Variants in PAX3 observed in about 807,000 individuals in gnomAD.
PAX3 encodes the protein paired box 3.
In PAX3, 14 loss-of-function variants were observed where a neutral mutation model predicts 51.6. The observed-to-expected ratio is 0.27, with a 90% CI of 0.18 to 0.42. The LOEUF (loss-of-function observed/expected upper bound fraction) is 0.42, where lower values mean the gene tolerates loss of function less well. Ranked by LOEUF, PAX3 falls within the 10% of genes least tolerant of loss-of-function variation. PAX3 has a pLI of 1.00. For missense variants in PAX3, 540 were observed against 642.8 expected, an observed-to-expected ratio of 0.84 and a Z score of 1.73; for synonymous variants, 280 against 253.4, an observed-to-expected ratio of 1.11 and a Z score of -1.00.
intron 4 of PAX3, among the ~76,000 whole-genome samples, chr2:222,240,152 G>A (rs1692955824): frequency 6.6e-6 from 1 of 152,172 alleles, no homozygotes. Flanking sequence ...GGAGAGTACA[G>A]ATTGGTTATG....
At chr2:222,266,230 C>T (rs1694051259) in intron 4 of PAX3, among the ~76,000 whole-genome samples, 1 of 152,170 alleles carries the variant, frequency 6.6e-6, no homozygotes, top group African/African-American at 2.4e-5. Flanking sequence ...CCTCAGCACA[C>T]TCAGGAATTC....
At position 222,200,972 on chromosome 2, in the gene PAX3, T is replaced by G. The variant is rs558044748; in HGVS notation, c.*436A>C. The G allele has an allele frequency of 6.6e-6, 4 of 610,680 alleles. No homozygotes were observed. Among genetic ancestry groups the G allele is most frequent in the African/African-American group, 1.8e-5 (1 of 54,110 alleles). 37.8% of individuals were successfully genotyped at this position (610,680 alleles called of 1,614,324 possible). A position where few individuals can be genotyped will look rare whatever the true frequency, so the allele number is the denominator to read the frequency against. On this transcript the variant is annotated 3_prime_UTR_variant, in exon 9 of 9. Coordinates refer to ENST00000392070, the MANE Select transcript of PAX3 (RefSeq NM_181458.4). The stretch of plus-strand genomic sequence containing the variant: ...CATCGAACATCGACATGTTATACTT[T>G]AGGGTATTCTATTATATTTTAGAAC...
chr2:222,294,113 C>T, intron 4 of PAX3, 54 bp downstream of exon 4: 1 of 1,611,740 alleles, frequency 6.2e-7, no homozygotes, highest in Non-Finnish European at 8.5e-7. Flanking sequence ...TGTCAGCTAG[C>T]CGATGCCCTC....
At chr2:222,266,698 T>G (rs1694066928) in intron 4 of PAX3, among the ~76,000 whole-genome samples, 1 of 152,210 alleles carries the variant, frequency 6.6e-6, no homozygotes, top group African/African-American at 2.4e-5. Context: ...TGCCTGGCCC[T>G]TGAAGGGGAA....
At chr2:222,205,275 T>A (rs532232707) in intron 7 of PAX3, among the ~76,000 whole-genome samples, 28 of 152,276 alleles carry the variant, frequency 1.8e-4, no homozygotes, top group African/African-American at 6.7e-4. Flanking sequence ...GCTGAGTAGC[T>A]TTAAGACTTC....
intron 4 of PAX3, among the ~76,000 whole-genome samples, chr2:222,240,590 C>T (rs1692974370): frequency 6.6e-6 from 1 of 152,186 alleles, no homozygotes; most frequent in African/African-American, 2.4e-5. Flanking sequence ...TTATGTAAAA[C>T]CATGCTTGTG....
At chr2:222,220,854 G>A (rs1324623784) in intron 6 of PAX3, among the ~76,000 whole-genome samples, 2 of 152,156 alleles carry the variant, frequency 1.3e-5, no homozygotes, top group Non-Finnish European at 2.9e-5. Flanking sequence ...CTTTGTCAAA[G>A]CTTACCTTCC....
At chr2:222,281,131 A>G (rs1694631981) in intron 4 of PAX3, among the ~76,000 whole-genome samples, 1 of 152,342 alleles carries the variant, frequency 6.6e-6, no homozygotes. Context: ...CGCTGGATCA[A>G]TTCCCAAATG....
chr2:222,282,329 C>T (rs142849420), intron 4 of PAX3, among the ~76,000 whole-genome samples: 1 of 152,096 alleles, frequency 6.6e-6, no homozygotes, highest in African/African-American at 2.4e-5. Context: ...AACTGAATTC[C>T]ATAGCATCAG....
At chr2:222,208,112 A>G (rs1574628349) in intron 7 of PAX3, among the ~76,000 whole-genome samples, 2 of 151,980 alleles carry the variant, frequency 1.3e-5, no homozygotes, top group East Asian at 1.9e-4. Context: ...CATTCCACCT[A>G]AATGAAAAAG....
rs1169825007 is a variant in PAX3, at chr2:222,219,801, AC to A, written c.1173+338del. Among the ~76,000 whole-genome samples, 4 of 152,300 alleles carry A rather than the reference AC, an allele frequency of 2.6e-5. No homozygotes were observed. In the East Asian group the frequency reaches 5.8e-4, roughly 22 times the overall value. ...TTTAAATACAATTTAAAACAAAAAA[AC>A]AAAACAAAAAACCTGCCACTGTTTG... is the stretch of plus-strand genomic sequence containing the variant. On this transcript the variant is annotated intron_variant, in intron 7 of 8. Coordinates refer to ENST00000392070, the MANE Select transcript of PAX3 (RefSeq NM_181458.4).
intron 4 of PAX3, chr2:222,232,923 T>C (rs1692652417): frequency 6.5e-6 from 1 of 153,808 alleles, no homozygotes; most frequent in African/African-American, 2.4e-5. Context: ...GGAAATGCTT[T>C]AAAGAAAATG....
chr2:222,201,697 T>A (rs989287440), intron 8 of PAX3: 2 of 1,452,662 alleles, frequency 1.4e-6, no homozygotes, highest in Non-Finnish European at 1.8e-6. Flanking sequence ...AACCCTTGTG[T>A]TTTACCTAGT....
intron 4 of PAX3, among the ~76,000 whole-genome samples, chr2:222,235,492 A>G (rs1238095891): frequency 6.6e-6 from 1 of 152,036 alleles, no homozygotes; most frequent in Non-Finnish European, 1.5e-5. Flanking sequence ...GGCCTGAACA[A>G]TCATGTTGAA....
intron 4 of PAX3, among the ~76,000 whole-genome samples, chr2:222,287,807 C>A (rs1406031203): frequency 3.9e-5 from 6 of 152,042 alleles, no homozygotes; most frequent in South Asian, 2.1e-4. Context: ...TAATACCCAC[C>A]AAAATTCTGC....
rs779693694 is a variant in PAX3, at chr2:222,202,039, A to T, written c.1325T>A (p.Leu442Gln). Residue 442 changes from leucine to glutamine, a missense_variant, in exon 8 of 9, where the codon CTG (leucine) becomes CAG (glutamine). Coordinates refer to ENST00000392070, the MANE Select transcript of PAX3 (RefSeq NM_181458.4). Reference sequence around the variant, plus strand: ...TGGACAGTAGGACTGAGATGTTGGCAGACTGTCCAAGCTCTTCATATGGTC... The same window carrying T: ...TGGACAGTAGGACTGAGATGTTGGCTGACTGTCCAAGCTCTTCATATGGTC... ...RLDHMKSLDS[L>Q]PTSQSYCPPT... The T allele has an allele frequency of 4.3e-6, 7 of 1,614,002 alleles. 1 individual carries two copies. The South Asian group carries it at 7.7e-5, about 18-fold the overall frequency.
intron 4 of PAX3, among the ~76,000 whole-genome samples, chr2:222,262,376 C>T (rs1399550273): frequency 6.6e-6 from 1 of 151,942 alleles, no homozygotes; most frequent in African/African-American, 2.4e-5. Context: ...TATTTTTTTT[C>T]TGGTGTAGTT....
chr2:222,262,918 A>T (rs1693919025), intron 4 of PAX3: 1 of 152,220 alleles, frequency 6.6e-6, no homozygotes, highest in African/African-American at 2.4e-5. Context: ...ACAGTTAGAC[A>T]TACAGATGCA....
At chr2:222,295,329 C>T (rs1031958343) in intron 3 of PAX3, among the ~76,000 whole-genome samples, 199 bp downstream of exon 3, 43 of 152,314 alleles carry the variant, frequency 2.8e-4, no homozygotes, top group African/African-American at 9.9e-4. Flanking sequence ...TCTCGCCACC[C>T]TCCGTCCCCA....
Sources: allele counts gnomAD v4.1 joint callset (sites outside exome capture counted in the v4.1 genomes callset), GRCh38; gene constraint gnomAD v4.1.1; transcripts MANE v1.5; gene names NCBI Gene and HGNC (gene_info 2026-07-23, HGNC 2026-07-21).